The following CREB5 variants were observed in gnomAD, a reference collection of about 807,000 sequenced individuals.
CREB5 encodes cyclic AMP-responsive element-binding protein 5.
A neutral mutation model predicts 57.1 loss-of-function variants in CREB5; 19 were observed. The ratio of observed to expected loss-of-function variants is 0.33; its 90% CI spans 0.23 to 0.49. The LOEUF is 0.49. Ranked by LOEUF, CREB5 falls within the 20% of genes least tolerant of loss-of-function variation. CREB5 has a pLI of 0.99. For synonymous variants in CREB5, 238 were observed against 238.3 expected, an observed-to-expected ratio of 1.00 and a Z score of 0.01; for missense variants, 579 against 671.6, an observed-to-expected ratio of 0.86 and a Z score of 1.52.
rs1180268129 is a variant in CREB5 at position 28,824,327 on chromosome 7, C to G, written c.*5048C>G. The G allele has an allele frequency of 6.6e-6, 1 of 152,608 alleles. No individual in the cohort carries two copies. The highest frequency in any genetic ancestry group is 1.5e-5 in the Non-Finnish European group (1 of 68,042). 9.5% of individuals were successfully genotyped at this position (152,608 alleles called of 1,614,324 possible). ...GCTATACTTAAGAATTTTCTCTCAC[C>G]TTCCAAACCAAAGTGTCCTGAATAA... On this transcript the variant is annotated 3_prime_UTR_variant, in exon 11 of 11. Transcript: ENST00000357727.
chr7:28,803,957 T>C (rs1460157727), intron 7 of CREB5, among the ~76,000 whole-genome samples: 1 of 152,114 alleles, frequency 6.6e-6, no homozygotes, highest in Non-Finnish European at 1.5e-5. Flanking sequence ...CCCATTGGCT[T>C]TGACAGTTGA....
At chr7:28,579,054 A>C (rs1296785040) in intron 5 of CREB5, among the ~76,000 whole-genome samples, 2 of 152,170 alleles carry the variant, frequency 1.3e-5, no homozygotes, top group Non-Finnish European at 2.9e-5. Flanking sequence ...AAGGCTGGTG[A>C]CTCTGACTGT....
chr7:28,455,186 G>A (rs1319789820), intron 1 of CREB5, among the ~76,000 whole-genome samples: 1 of 152,154 alleles, frequency 6.6e-6, no homozygotes, highest in East Asian at 1.9e-4. Context: ...ACTTATCAGT[G>A]GGCACATGTC....
intron 3 of CREB5, 58 bp downstream of exon 3, chr7:28,495,057 C>T (rs1008050156): frequency 2.1e-5 from 26 of 1,212,266 alleles, no homozygotes; most frequent in Middle Eastern, 2.0e-4. Flanking sequence ...ATGCGAGATA[C>T]TTGTTCTTCT....
At chr7:28,434,105 G>C (rs181985086) in intron 1 of CREB5, among the ~76,000 whole-genome samples, 145 of 152,178 alleles carry the variant, frequency 9.5e-4, no homozygotes, top group South Asian at 2.9e-3. Flanking sequence ...TTCCGGCTCA[G>C]AGTGAGCAGA....
intron 2 of CREB5, among the ~76,000 whole-genome samples, chr7:28,493,969 A>G (rs763213995): frequency 3.6e-4 from 55 of 152,366 alleles, no homozygotes; most frequent in South Asian, 1.7e-3. Flanking sequence ...ACATTTGTAG[A>G]TACATATGTC....
chr7:28,429,248 A>G (rs1788622863), intron 1 of CREB5, among the ~76,000 whole-genome samples: 1 of 151,946 alleles, frequency 6.6e-6, no homozygotes, highest in Non-Finnish European at 1.5e-5. Context: ...CTGGTCTCGA[A>G]CTCCTGACCT....
chr7:28,457,117 A>T (rs1316088819), intron 1 of CREB5, among the ~76,000 whole-genome samples: 1 of 152,176 alleles, frequency 6.6e-6, no homozygotes, highest in Non-Finnish European at 1.5e-5. Flanking sequence ...TTCTCTTATT[A>T]GGAGCCCACT....
intron 4 of CREB5, among the ~76,000 whole-genome samples, chr7:28,543,198 C>T (rs1794274481): frequency 6.6e-6 from 1 of 152,132 alleles, no homozygotes; most frequent in African/African-American, 2.4e-5. Flanking sequence ...AATGTGTGCA[C>T]ACTGAAAACT....
In CREB5 at chr7:28,647,610, G is replaced by C. The variant is rs141596789; in HGVS notation, c.465-71143G>C. ...AATCTGCAACTTCTGGAGAAATTAAGAGCCAAGTTGGCCAGGATAATTCTT... is the reference window on the plus strand; with the variant it reads ...AATCTGCAACTTCTGGAGAAATTAACAGCCAAGTTGGCCAGGATAATTCTT... On this transcript the variant is annotated intron_variant, in intron 5 of 10. Transcript: ENST00000357727. Among the ~76,000 whole-genome samples the C allele has an allele frequency of 6.5e-3, 996 of 152,242 alleles. 10 individuals are homozygous for C. The highest frequency in any genetic ancestry group is 7.2e-3 in the Non-Finnish European group (491 of 68,010).
At chr7:28,700,018 A>T (rs1562581204) in intron 5 of CREB5, among the ~76,000 whole-genome samples, 1 of 152,226 alleles carries the variant, frequency 6.6e-6, no homozygotes, top group Non-Finnish European at 1.5e-5. Flanking sequence ...ATACAAGGGC[A>T]TCACCTAAAT....
At chr7:28,771,873 G>GT (rs1418982591) in intron 7 of CREB5, among the ~76,000 whole-genome samples, 2 of 152,110 alleles carry the variant, frequency 1.3e-5, no homozygotes, top group East Asian at 3.9e-4. Flanking sequence ...TTTAAAAAAG[G>GT]TTTAGTAAGT....
chr7:28,388,074 C>A (rs541624241), intron 1 of CREB5, among the ~76,000 whole-genome samples: 1 of 152,160 alleles, frequency 6.6e-6, no homozygotes, highest in Admixed American at 6.6e-5. Context: ...CTGGAGGAAT[C>A]CTGCAAGACC....
intron 1 of CREB5, among the ~76,000 whole-genome samples, chr7:28,374,235 C>T (rs1056308352): frequency 2.0e-5 from 3 of 152,112 alleles, no homozygotes; most frequent in Admixed American, 6.5e-5. Context: ...CTAGAGATGA[C>T]GCACAGAAAT....
chr7:28,715,685 T>C (rs1380351150), intron 5 of CREB5, among the ~76,000 whole-genome samples: 1 of 152,180 alleles, frequency 6.6e-6, no homozygotes, highest in African/African-American at 2.4e-5. Context: ...GTTTTAAAAA[T>C]TCAAGCAAGA....
chr7:28,494,866 C>G (rs528332433), intron 2 of CREB5, 40 bp from the exon 3 acceptor site: 147 of 1,279,040 alleles, frequency 1.1e-4, no homozygotes, highest in South Asian at 2.0e-4. Context: ...AACTGAATGG[C>G]TCCTCTTCTC....
chr7:28,422,001 A>G (rs1788287398), intron 1 of CREB5, among the ~76,000 whole-genome samples: 1 of 151,894 alleles, frequency 6.6e-6, no homozygotes. Context: ...ATGTCAGGGA[A>G]TGTAAACCCA....
intron 7 of CREB5, among the ~76,000 whole-genome samples, chr7:28,748,359 C>T (rs964520913): frequency 1.3e-5 from 2 of 152,172 alleles, no homozygotes; most frequent in African/African-American, 4.8e-5. Context: ...CCAGTTATCA[C>T]TCTAGCTGTC....
chr7:28,617,323 C>T (rs1028555843), intron 5 of CREB5, among the ~76,000 whole-genome samples: 3 of 152,176 alleles, frequency 2.0e-5, no homozygotes, highest in Non-Finnish European at 4.4e-5. Context: ...CTTTTTTACC[C>T]GTGCAACTGA....
Sources: allele counts gnomAD v4.1 joint callset (sites outside exome capture counted in the v4.1 genomes callset), GRCh38; gene constraint gnomAD v4.1.1; transcripts MANE v1.5; gene names NCBI Gene and HGNC (gene_info 2026-07-23, HGNC 2026-07-21).